The following TSPAN14 variants were observed in gnomAD, a reference collection of about 807,000 sequenced individuals.
The protein encoded by TSPAN14 is tetraspanin 14.
TSPAN14 carries 16 observed loss-of-function variants against 36.6 expected under a neutral mutation model. The ratio of observed to expected loss-of-function variants is 0.44; its 90% CI spans 0.30 to 0.66. The LOEUF (loss-of-function observed/expected upper bound fraction) is 0.66, where lower values mean the gene tolerates loss of function less well. Ranked by LOEUF, TSPAN14 falls within the 30% of genes least tolerant of loss-of-function variation. The pLI, the probability that TSPAN14 is intolerant of heterozygous loss-of-function variation, is 0.12. For synonymous variants in TSPAN14, 139 were observed against 143.8 expected (o/e 0.97, Z 0.24); for missense variants, 231 against 355.1 (o/e 0.65, Z 2.81).
chr10:80,505,559 CAGG>C (rs2132043733), intron 3 of TSPAN14, among the ~76,000 whole-genome samples: 1 of 152,338 alleles, frequency 6.6e-6, no homozygotes, highest in Admixed American at 6.5e-5. Flanking sequence ...TTGCTTCCAG[CAGG>C]AGGAGGCAGG....
chr10:80,477,982 T>G (rs1442080604), intron 1 of TSPAN14, among the ~76,000 whole-genome samples: 1 of 152,104 alleles, frequency 6.6e-6, no homozygotes, highest in Non-Finnish European at 1.5e-5. Flanking sequence ...AGACAGAAAC[T>G]TAGCCGCCCA....
intron 1 of TSPAN14, among the ~76,000 whole-genome samples, chr10:80,472,042 G>T (rs138869889): frequency 1.7e-3 from 265 of 152,236 alleles, no homozygotes; most frequent in African/African-American, 6.1e-3. Flanking sequence ...GTGCACTGAG[G>T]TAGGAGGATC....
At chr10:80,469,955 C>T (rs574929772) in intron 1 of TSPAN14, among the ~76,000 whole-genome samples, 17 of 152,202 alleles carry the variant, frequency 1.1e-4, no homozygotes, top group African/African-American at 4.1e-4. Flanking sequence ...TTGGTTTTAG[C>T]CCCAGCACTT....
At chr10:80,482,732 C>CTTTTTT (rs34769982) in intron 1 of TSPAN14, among the ~76,000 whole-genome samples, 2 of 110,548 alleles carry the variant, frequency 1.8e-5, no homozygotes, top group Non-Finnish European at 3.5e-5. Context: ...TTTTCTTTTC[C>CTTTTTT]TTTTTTTTTT....
At chr10:80,500,037 G>A (rs1848407717) in intron 2 of TSPAN14, among the ~76,000 whole-genome samples, 1 of 152,220 alleles carries the variant, frequency 6.6e-6, no homozygotes, top group Non-Finnish European at 1.5e-5. Flanking sequence ...CTGCTGCAGA[G>A]TTCCAGGGAA....
intron 1 of TSPAN14, among the ~76,000 whole-genome samples, chr10:80,460,630 T>C (rs1312472065): frequency 6.6e-6 from 1 of 152,188 alleles, no homozygotes; most frequent in Admixed American, 6.5e-5. Context: ...GTGTCCCTTC[T>C]TGTAAGTGTC....
intron 7 of TSPAN14, among the ~76,000 whole-genome samples, chr10:80,515,137 T>C (rs1840868007): frequency 6.6e-6 from 1 of 152,242 alleles, no homozygotes; most frequent in Admixed American, 6.5e-5. Context: ...TCCCTAATTA[T>C]GATTTTTTTT....
intron 2 of TSPAN14, among the ~76,000 whole-genome samples, chr10:80,495,669 C>G (rs1210457957): frequency 6.6e-6 from 1 of 152,190 alleles, no homozygotes; most frequent in African/African-American, 2.4e-5. Context: ...AACTCTGCCT[C>G]CTTGGCTGGT....
At chr10:80,473,186 A>G (rs897129326) in intron 1 of TSPAN14, among the ~76,000 whole-genome samples, 15 of 152,204 alleles carry the variant, frequency 9.9e-5, no homozygotes, top group African/African-American at 3.1e-4. Flanking sequence ...TTCCAGGCCC[A>G]GTGCTTCTCC....
chr10:80,486,776 C>T (rs1212214929), intron 1 of TSPAN14, among the ~76,000 whole-genome samples: 1 of 152,180 alleles, frequency 6.6e-6, no homozygotes, highest in Non-Finnish European at 1.5e-5. Context: ...CCTCATAAGG[C>T]ATTTCCAGCT....
At chr10:80,511,143 C>T (rs1840597492) in intron 5 of TSPAN14, among the ~76,000 whole-genome samples, 1 of 152,162 alleles carries the variant, frequency 6.6e-6, no homozygotes, top group African/African-American at 2.4e-5. Context: ...GGGGAAAAGA[C>T]ACTGTCAACT....
At chr10:80,504,090 C>T (rs967341116) in intron 2 of TSPAN14, among the ~76,000 whole-genome samples, 3 of 152,204 alleles carry the variant, frequency 2.0e-5, no homozygotes, top group Non-Finnish European at 4.4e-5. Flanking sequence ...AGCCTATTTT[C>T]ATTCTCTAGC....
intron 1 of TSPAN14, among the ~76,000 whole-genome samples, chr10:80,488,224 C>T (rs1847733632): frequency 6.6e-6 from 1 of 152,156 alleles, no homozygotes; most frequent in Admixed American, 6.5e-5. Flanking sequence ...CCTCCTTCCC[C>T]ACTGTTCAGC....
intron 1 of TSPAN14, among the ~76,000 whole-genome samples, chr10:80,472,858 G>C (rs543486165): frequency 4.7e-4 from 72 of 152,310 alleles, no homozygotes; most frequent in Non-Finnish European, 8.5e-4. Context: ...TCAAGCTGCT[G>C]TGAATGACAG....
intron 1 of TSPAN14, among the ~76,000 whole-genome samples, chr10:80,469,062 C>T (rs1195929859): frequency 6.6e-6 from 1 of 151,228 alleles, no homozygotes; most frequent in Admixed American, 6.6e-5. Context: ...AGTTATTCCT[C>T]GGTGCCGGGG....
chr10:80,459,633 G>A (rs907810370), intron 1 of TSPAN14: 2 of 152,922 alleles, frequency 1.3e-5, no homozygotes, highest in Non-Finnish European at 2.9e-5. Flanking sequence ...ACCTTCTCTG[G>A]GTTTTTCCTG....
chr10:80,483,266 A>G (rs145558660), intron 1 of TSPAN14, among the ~76,000 whole-genome samples: 4 of 152,286 alleles, frequency 2.6e-5, no homozygotes, highest in East Asian at 3.9e-4. Context: ...TTATAATACA[A>G]AGGTGGTAAT....
Position 80,485,633 on chromosome 10 carries a change from C to G in TSPAN14, c.-17-3584C>G, listed in dbSNP as rs1321860978. The stretch of plus-strand genomic sequence containing the variant: ...AAACTATGTGGAGACCAGGATCTGC[C>G]AGCCCCACAGAGGGTCAGGACCTGC... On this transcript the variant is annotated intron_variant, in intron 1 of 8. Transcript: ENST00000429989. The G allele has an allele frequency of 3.0e-6, 3 of 985,270 alleles. No individual in the cohort carries two copies. The African/African-American group carries it at 5.2e-5, about 17-fold the overall frequency. 61.0% of individuals were successfully genotyped at this position (985,270 alleles called of 1,614,324 possible).
In TSPAN14 at chr10:80,454,344, G is replaced by GCGCCGCCGCTGC. The variant is rs1174212885; in HGVS notation, c.-35_-24dup. 13 of 152,504 alleles carry GCGCCGCCGCTGC rather than the reference G, an allele frequency of 8.5e-5. No homozygotes were observed. In the Admixed American group the frequency reaches 8.5e-4, roughly 10 times the overall value. The allele number at this position is 152,504 out of a possible 1,614,324, so 9.4% of individuals were successfully genotyped here. A position where few individuals can be genotyped will look rare whatever the true frequency, so the allele number is the denominator to read the frequency against. Reference sequence around the variant, plus strand: ...CTAACTTCCTCGGCCGAGCCGGGCCGCGCCGCCGCTGCCGCCGCCGCGCGC... The same window carrying GCGCCGCCGCTGC: ...CTAACTTCCTCGGCCGAGCCGGGCCGCGCCGCCGCTGCCGCCGCCGCTGCCGCCGCCGCGCGC... On this transcript the variant is annotated 5_prime_UTR_variant, in exon 1 of 9. Coordinates refer to ENST00000429989, the Ensembl canonical transcript of TSPAN14.
Sources: allele counts gnomAD v4.1 joint callset (sites outside exome capture counted in the v4.1 genomes callset), GRCh38; gene constraint gnomAD v4.1.1; transcripts MANE v1.5; gene names NCBI Gene and HGNC (gene_info 2026-07-23, HGNC 2026-07-21).